The following MEGF11 variants were observed in gnomAD, a reference collection of about 807,000 sequenced individuals.
MEGF11 encodes the protein multiple EGF like domains 11.
In MEGF11, 126 loss-of-function variants were observed where a neutral mutation model predicts 146.6. That is an observed-to-expected ratio of 0.86 (90% confidence interval 0.74 to 1.00). The LOEUF (loss-of-function observed/expected upper bound fraction) is 1.00. Among genes scored for constraint, MEGF11 ranks in the 50% least tolerant of loss-of-function variants. The probability of loss-of-function intolerance (pLI) is 0.00; values close to 1 mark genes in which losing one functional copy is unlikely to be tolerated. For synonymous variants in MEGF11, 532 were observed against 583.4 expected (o/e 0.91, Z 1.27); for missense variants, 1,509 against 1,521.2 (o/e 0.99, Z 0.13).
At chr15:65,994,989 G>C (rs1283398113) in intron 5 of MEGF11, among the ~76,000 whole-genome samples, 1 of 152,224 alleles carries the variant, frequency 6.6e-6, no homozygotes, top group Non-Finnish European at 1.5e-5. Flanking sequence ...GCTGAAGGCT[G>C]GGCTTGCTAG....
chr15:66,082,028 C>T (rs561621490), intron 5 of MEGF11, among the ~76,000 whole-genome samples: 1 of 152,264 alleles, frequency 6.6e-6, no homozygotes, highest in East Asian at 1.9e-4. Context: ...TGGTCTTGGA[C>T]CTCCGAGCCT....
chr15:66,205,321 ATAGTCCAAGATAC>A (rs1472222877), intron 1 of MEGF11, among the ~76,000 whole-genome samples: 1 of 152,150 alleles, frequency 6.6e-6, no homozygotes, highest in African/African-American at 2.4e-5. Flanking sequence ...ACGTACCTGG[ATAGTCCAAGATAC>A]TTGGAAGGCT....
At chr15:65,978,429 A>G (rs796903918) in intron 7 of MEGF11, among the ~76,000 whole-genome samples, 15 of 152,348 alleles carry the variant, frequency 9.8e-5, no homozygotes, top group African/African-American at 2.9e-4. Flanking sequence ...TTAAAAACAT[A>G]AAGTCCTCAA....
intron 10 of MEGF11, among the ~76,000 whole-genome samples, chr15:65,949,880 G>C (rs1451582176): frequency 6.6e-6 from 1 of 152,200 alleles, no homozygotes; most frequent in Non-Finnish European, 1.5e-5. Context: ...CTAGTCAGCA[G>C]AGGAGCATGG....
chr15:66,180,403 A>G (rs1727762390), intron 1 of MEGF11, among the ~76,000 whole-genome samples: 1 of 152,138 alleles, frequency 6.6e-6, no homozygotes, highest in Non-Finnish European at 1.5e-5. Context: ...AATGCCACAC[A>G]CAACCCCTCC....
chr15:66,074,862 G>T (rs1436885442), intron 5 of MEGF11, among the ~76,000 whole-genome samples: 1 of 152,152 alleles, frequency 6.6e-6, no homozygotes, highest in Non-Finnish European at 1.5e-5. Context: ...GGGGGTCATA[G>T]GGTGGCATCT....
At chr15:65,947,494 G>C (rs1172249950) in intron 10 of MEGF11, among the ~76,000 whole-genome samples, 1 of 152,194 alleles carries the variant, frequency 6.6e-6, no homozygotes, top group Non-Finnish European at 1.5e-5. Context: ...AAGTGGGGAT[G>C]CTACAGCCCC....
chr15:66,158,155 G>A (rs1424472958), intron 1 of MEGF11, among the ~76,000 whole-genome samples: 2 of 152,154 alleles, frequency 1.3e-5, no homozygotes, highest in African/African-American at 4.8e-5. Context: ...AAAATTGCTG[G>A]AAAAGGGACT....
At chr15:66,080,311 A>G (rs1260145920) in intron 5 of MEGF11, among the ~76,000 whole-genome samples, 1 of 152,124 alleles carries the variant, frequency 6.6e-6, no homozygotes, top group Non-Finnish European at 1.5e-5. Context: ...CAGATGCGGG[A>G]CCTCAGGCCA....
intron 10 of MEGF11, among the ~76,000 whole-genome samples, chr15:65,953,925 A>T (rs1330635412): frequency 1.3e-5 from 2 of 151,966 alleles, no homozygotes; most frequent in African/African-American, 4.8e-5. Flanking sequence ...CAGCCCCTAG[A>T]GTCTACTTTC....
At chr15:66,067,151 A>T (rs1376910274) in intron 5 of MEGF11, among the ~76,000 whole-genome samples, 1 of 152,230 alleles carries the variant, frequency 6.6e-6, no homozygotes, top group Non-Finnish European at 1.5e-5. Context: ...TGCAGGATGA[A>T]TGAAAGCTAT....
intron 1 of MEGF11, among the ~76,000 whole-genome samples, chr15:66,141,949 A>G (rs1302231821): frequency 6.6e-6 from 1 of 152,074 alleles, no homozygotes; most frequent in Admixed American, 6.5e-5. Flanking sequence ...TAGGGCAAGC[A>G]TTGTGTGTGT....
intron 5 of MEGF11, among the ~76,000 whole-genome samples, chr15:66,015,481 A>G (rs1281946540): frequency 2.0e-5 from 3 of 152,238 alleles, no homozygotes; most frequent in Non-Finnish European, 2.9e-5. Context: ...ATGGGGAAAT[A>G]AAGATGAAAG....
intron 4 of MEGF11, 85 bp downstream of exon 4, chr15:66,119,001 A>G: frequency 1.1e-6 from 1 of 887,660 alleles, no homozygotes; most frequent in African/African-American, 1.7e-5. Flanking sequence ...GGCCGTGGAT[A>G]TCAGCCCCAC....
Position 65,982,465 on chromosome 15 carries a change from G to A in MEGF11, c.418C>T (p.Pro140Ser). ...CACTGGCACCGGTTGCTGCAGTGGGGCCCCCAGTGGTCGCTGTCGCAGCCT... is the reference window on the plus strand; with the variant it reads ...CACTGGCACCGGTTGCTGCAGTGGGACCCCCAGTGGTCGCTGTCGCAGCCT... ...SSGCDSDHWG[P>S]HCSNRCQCQN... Residue 140 changes from proline (P) to serine (S), a missense_variant, in exon 6 of 26, where the codon CCC becomes TCC. By Grantham distance (74) the Pro-to-Ser change is moderately conservative (BLOSUM62 -1). Coordinates refer to ENST00000395614, the MANE Select transcript of MEGF11 (RefSeq NM_001385028.1). The surrounding 1 kb of genome is among the most constrained non-coding windows in gnomAD (Gnocchi z 5.6). The A allele has an allele frequency of 6.8e-7, 1 of 1,481,014 alleles. No individual in the cohort carries two copies. 91.7% of individuals were successfully genotyped at this position (1,481,014 alleles called of 1,614,324 possible).
At chr15:66,108,285 G>T (rs1192249318) in intron 4 of MEGF11, among the ~76,000 whole-genome samples, 1 of 152,212 alleles carries the variant, frequency 6.6e-6, no homozygotes, top group Non-Finnish European at 1.5e-5. Flanking sequence ...CAGCAGTGGG[G>T]CAAGGCAGGA....
intron 5 of MEGF11, among the ~76,000 whole-genome samples, chr15:66,009,520 G>A (rs1257473695): frequency 6.6e-6 from 1 of 152,010 alleles, no homozygotes; most frequent in Non-Finnish European, 1.5e-5. Context: ...GAGTTGTAGG[G>A]GTGGGTATTT....
intron 4 of MEGF11, among the ~76,000 whole-genome samples, chr15:66,111,357 T>C (rs751003040): frequency 7.9e-5 from 12 of 152,234 alleles, no homozygotes; most frequent in Non-Finnish European, 1.8e-4. Flanking sequence ...GTTCCAGTGA[T>C]ATGGAGAAAG....
chr15:66,027,027 CCTGATTATCT>C (rs765712977), intron 5 of MEGF11, among the ~76,000 whole-genome samples: 1 of 152,186 alleles, frequency 6.6e-6, no homozygotes, highest in Non-Finnish European at 1.5e-5. Context: ...CTGTGATCCG[CCTGATTATCT>C]CTGGTAGCCC....
Sources: allele counts gnomAD v4.1 joint callset (sites outside exome capture counted in the v4.1 genomes callset), GRCh38; gene constraint gnomAD v4.1.1; non-coding constraint Gnocchi (gnomAD v3.1); transcripts MANE v1.5; gene names NCBI Gene and HGNC (gene_info 2026-07-23, HGNC 2026-07-21).